The following FGD4 variants were observed in gnomAD, a reference collection of about 807,000 sequenced individuals.
FGD4 encodes FYVE, RhoGEF and PH domain-containing protein 4.
In FGD4, 42 loss-of-function variants were observed where a neutral mutation model predicts 102.0. That is an observed-to-expected ratio of 0.41 (90% CI 0.32 to 0.53). The LOEUF (loss-of-function observed/expected upper bound fraction) is 0.53, where lower values mean the gene tolerates loss of function less well. Among genes scored for constraint, FGD4 ranks in the 20% least tolerant of loss-of-function variants. The pLI is 0.21. For synonymous variants in FGD4, 380 were observed against 375.7 expected (o/e 1.01, Z -0.13); for missense variants, 902 against 1,078.2 (o/e 0.84, Z 2.29).
rs1198148762 is a variant in FGD4, at chr12:32,454,663, C to A, written c.166+54704C>A. Among the ~76,000 whole-genome samples the A allele has an allele frequency of 2.0e-5, 3 of 152,190 alleles. No individual in the cohort carries two copies. The East Asian group carries it at 5.8e-4, about 29-fold the overall frequency. ...TGATTGTTTTAAGTAAGTTTTGATT[C>A]CTGTTTGTCTTTGATTGTAGTAGTT... is the stretch of plus-strand genomic sequence containing the variant. On this transcript the variant is annotated intron_variant, in intron 1 of 16. Coordinates refer to ENST00000534526, the MANE Select transcript of FGD4 (RefSeq NM_001370298.3).
chr12:32,476,492 T>A (rs2136533791), intron 1 of FGD4, among the ~76,000 whole-genome samples: 1 of 152,308 alleles, frequency 6.6e-6, no homozygotes, highest in African/African-American at 2.4e-5. Context: ...GTTGGAATTG[T>A]CAACTGGGAC....
chr12:32,588,158 T>A (rs191543167), intron 4 of FGD4, among the ~76,000 whole-genome samples: 2 of 152,346 alleles, frequency 1.3e-5, no homozygotes, highest in East Asian at 3.9e-4. Context: ...GCATTTAGAA[T>A]ATGGAACTAG....
In FGD4 at chr12:32,468,045, T is replaced by C. The variant is rs112306679; in HGVS notation, c.166+68086T>C. 7.9e-5 allele frequency among the ~76,000 whole-genome samples: 12 copies of C among 151,986 alleles called. 1 individual carries two copies. Among genetic ancestry groups the C allele is most frequent in the African/African-American group, 2.9e-4 (12 of 41,500 alleles). On this transcript the variant is annotated intron_variant, in intron 1 of 16. Coordinates refer to ENST00000534526, the MANE Select transcript of FGD4 (RefSeq NM_001370298.3). ...AAAATTTTTTTTAATTTTTATTTAA[T>C]TATAATTTTTTTTCTAAGTTGGGGT...
In FGD4 at chr12:32,645,881, C is replaced by T. The variant is rs372693452; in HGVS notation, c.*5348C>T. The T allele has an allele frequency of 5.3e-5, 8 of 152,094 alleles. No individual in the cohort carries two copies. The highest frequency in any genetic ancestry group is 1.2e-4 in the Non-Finnish European group (8 of 68,006). 9.4% of individuals were successfully genotyped at this position (152,094 alleles called of 1,614,324 possible). On this transcript the variant is annotated 3_prime_UTR_variant, in exon 17 of 17. Coordinates refer to ENST00000534526, the MANE Select transcript of FGD4 (RefSeq NM_001370298.3). ...GTGAAAGTATACACAAGTAATTTTTCTTTTCTAGCTATGTGAATGTAAAAT... is the reference window on the plus strand; with the variant it reads ...GTGAAAGTATACACAAGTAATTTTTTTTTTCTAGCTATGTGAATGTAAAAT...
chr12:32,592,157 A>G (rs1409609288), intron 4 of FGD4, among the ~76,000 whole-genome samples: 1 of 151,330 alleles, frequency 6.6e-6, no homozygotes, highest in Non-Finnish European at 1.5e-5. Flanking sequence ...ATCTCGGCTC[A>G]CTGTAGCCTC....
At chr12:32,484,769 G>A (rs900111913) in intron 1 of FGD4, among the ~76,000 whole-genome samples, 2 of 152,136 alleles carry the variant, frequency 1.3e-5, no homozygotes, top group Non-Finnish European at 1.5e-5. Context: ...CTACTTGGGA[G>A]GCTGAGGCAG....
rs1949109003 is a variant in FGD4 at position 32,611,131 on chromosome 12, T to C, written c.1603-6T>C. On this transcript the variant is annotated splice_region_variant and splice_polypyrimidine_tract_variant and intron_variant, in intron 9 of 16. Transcript: ENST00000534526. ...TGTATGTGATCTTGCTGTTTTAATTTCCTAGGAGAACCTAAAGAAACTCTT... is the reference window on the plus strand; with the variant it reads ...TGTATGTGATCTTGCTGTTTTAATTCCCTAGGAGAACCTAAAGAAACTCTT... 1 of 1,613,932 alleles carries C rather than the reference T, an allele frequency of 6.2e-7. No homozygotes were observed. The highest frequency in any genetic ancestry group is 8.5e-7 in the Non-Finnish European group (1 of 1,180,006).
chr12:32,463,388 T>C (rs1345233221), intron 1 of FGD4, among the ~76,000 whole-genome samples: 1 of 152,230 alleles, frequency 6.6e-6, no homozygotes, highest in Non-Finnish European at 1.5e-5. Context: ...GTCACCTTTG[T>C]TGTGGATTAA....
intron 1 of FGD4, among the ~76,000 whole-genome samples, chr12:32,530,268 A>G (rs2136825748): frequency 6.6e-6 from 1 of 152,304 alleles, no homozygotes; most frequent in African/African-American, 2.4e-5. Flanking sequence ...AGATCACTCA[A>G]TGTCAGAAGT....
At chr12:32,472,699 G>C (rs1943449925) in intron 1 of FGD4, among the ~76,000 whole-genome samples, 1 of 152,256 alleles carries the variant, frequency 6.6e-6, no homozygotes, top group Non-Finnish European at 1.5e-5. Flanking sequence ...GGACTGGCAG[G>C]CAGCTCCACC....
chr12:32,585,052 C>A (rs529861832), intron 4 of FGD4, among the ~76,000 whole-genome samples: 1 of 151,498 alleles, frequency 6.6e-6, no homozygotes, highest in African/African-American at 2.4e-5. Context: ...AAAACCCCAT[C>A]TCTACTAAAA....
chr12:32,509,863 A>T lies in FGD4; in HGVS notation c.167-54274A>T, dbSNP rs143718353. The stretch of plus-strand genomic sequence containing the variant: ...CTCACGCTGTTTGCACTGGCCTCTT[A>T]GGATCCCTCTGTGAATGGCAGAAAA... On this transcript the variant is annotated intron_variant, in intron 1 of 16. Transcript: ENST00000534526. Among the ~76,000 whole-genome samples the T allele has an allele frequency of 9.1e-3, 1,390 of 152,132 alleles. 28 individuals are homozygous for T. The highest frequency in any genetic ancestry group is 0.032 in the African/African-American group (1,326 of 41,530).
intron 1 of FGD4, among the ~76,000 whole-genome samples, chr12:32,560,599 T>G (rs969712842): frequency 6.6e-6 from 1 of 152,192 alleles, no homozygotes; most frequent in Non-Finnish European, 1.5e-5. Flanking sequence ...TACTTTTGCC[T>G]TCTAAATTCT....
At chr12:32,547,309 A>G (rs1281100984) in intron 1 of FGD4, among the ~76,000 whole-genome samples, 1 of 152,146 alleles carries the variant, frequency 6.6e-6, no homozygotes, top group African/African-American at 2.4e-5. Context: ...GTGTGGTGGC[A>G]TACACCTGTA....
chr12:32,514,751 A>G (rs1199393376), intron 1 of FGD4, among the ~76,000 whole-genome samples: 1 of 152,196 alleles, frequency 6.6e-6, no homozygotes, highest in Non-Finnish European at 1.5e-5. Context: ...TCAATGTAAG[A>G]TAAAGTTGAC....
At chr12:32,480,405 G>A (rs896434158) in intron 1 of FGD4, among the ~76,000 whole-genome samples, 33 of 151,902 alleles carry the variant, frequency 2.2e-4, no homozygotes, top group Non-Finnish European at 2.9e-4. Context: ...TTCGTGATCC[G>A]CCCACTTCGG....
At chr12:32,453,193 ATATATAT>A (rs1188931101) in intron 1 of FGD4, among the ~76,000 whole-genome samples, 2 of 37,596 alleles carry the variant, frequency 5.3e-5, no homozygotes, top group African/African-American at 9.3e-5. Context: ...TATATTTTAT[ATATATAT>A]TATATATATA....
intron 1 of FGD4, among the ~76,000 whole-genome samples, chr12:32,450,242 T>C (rs1056435783): frequency 4.6e-5 from 7 of 152,172 alleles, no homozygotes; most frequent in African/African-American, 1.7e-4. Flanking sequence ...ATTTTTATTT[T>C]TTAAATTTTT....
intron 1 of FGD4, among the ~76,000 whole-genome samples, chr12:32,460,909 C>A (rs965158275): frequency 6.6e-6 from 1 of 152,226 alleles, no homozygotes; most frequent in Non-Finnish European, 1.5e-5. Flanking sequence ...TACCTAAACT[C>A]TTTCTACATA....
Sources: allele counts gnomAD v4.1 joint callset (sites outside exome capture counted in the v4.1 genomes callset), GRCh38; gene constraint gnomAD v4.1.1; transcripts MANE v1.5; gene names NCBI Gene and HGNC (gene_info 2026-07-23, HGNC 2026-07-21).